Variants in PRR5L observed in about 807,000 individuals in gnomAD.
PRR5L encodes the protein proline rich 5 like.
In PRR5L, 21 loss-of-function variants were observed where a neutral mutation model predicts 36.4. That is an observed-to-expected ratio of 0.58 (90% CI 0.41 to 0.83). The LOEUF is 0.83. PRR5L is among the 40% of genes least tolerant of loss of function. The probability of loss-of-function intolerance (pLI) is 0.00; values close to 1 mark genes in which losing one functional copy is unlikely to be tolerated. For synonymous variants in PRR5L, 188 were observed against 197.0 expected (o/e 0.95, Z 0.38); for missense variants, 381 against 473.3 (o/e 0.80, Z 1.81).
intron 1 of PRR5L, among the ~76,000 whole-genome samples, chr11:36,398,038 A>G (rs1275648800): frequency 6.6e-6 from 1 of 152,060 alleles, no homozygotes; most frequent in Non-Finnish European, 1.5e-5. Flanking sequence ...CAGGTGATCC[A>G]CCCACCTCGG....
intron 1 of PRR5L, among the ~76,000 whole-genome samples, chr11:36,314,502 C>T (rs1164213108): frequency 6.6e-6 from 1 of 152,228 alleles, no homozygotes; most frequent in Admixed American, 6.5e-5. Flanking sequence ...ACCACTTTCA[C>T]AACTTTCAGG....
chr11:36,376,054 G>T, intron 1 of PRR5L: 1 of 852,312 alleles, frequency 1.2e-6, no homozygotes, highest in South Asian at 1.4e-5. Context: ...CCCGTTGTGT[G>T]AGAGAAACGC....
At chr11:36,363,744 T>C (rs1857117369) in intron 1 of PRR5L, among the ~76,000 whole-genome samples, 1 of 152,162 alleles carries the variant, frequency 6.6e-6, no homozygotes, top group South Asian at 2.1e-4. Flanking sequence ...GGCAAGGCAC[T>C]TACTCTTCCA....
intron 1 of PRR5L, among the ~76,000 whole-genome samples, chr11:36,338,867 G>T (rs1178083131): frequency 6.6e-6 from 1 of 152,066 alleles, no homozygotes; most frequent in Non-Finnish European, 1.5e-5. Flanking sequence ...GTATCTCCCA[G>T]AATTCCCACG....
chr11:36,422,213 T>C (rs1858280746), intron 4 of PRR5L, among the ~76,000 whole-genome samples: 1 of 152,088 alleles, frequency 6.6e-6, no homozygotes, highest in Non-Finnish European at 1.5e-5. Flanking sequence ...AGAAGAAATC[T>C]CCATATAAGG....
At position 36,306,847 on chromosome 11, in the gene PRR5L, G is replaced by T. The variant is rs191536825; in HGVS notation, c.-126+10409G>T. ...GTGTCAACTTCCTCTTCCTTTTCCT[G>T]TATTGTTTATCTCTATTTTCTCATA... is the stretch of plus-strand genomic sequence containing the variant. On this transcript the variant is annotated intron_variant, in intron 1 of 8. Coordinates refer to ENST00000530639, the MANE Select transcript of PRR5L (RefSeq NM_001160167.2). Among the ~76,000 whole-genome samples the T allele has an allele frequency of 2.9e-4, 44 of 151,824 alleles. 1 individual carries two copies. In the South Asian group the frequency reaches 8.1e-3, roughly 28 times the overall value.
At chr11:36,362,556 A>T (rs532461388) in intron 1 of PRR5L, among the ~76,000 whole-genome samples, 1 of 152,124 alleles carries the variant, frequency 6.6e-6, no homozygotes, top group East Asian at 1.9e-4. Context: ...AGCAGAATTG[A>T]CATATTGGGG....
intron 1 of PRR5L, chr11:36,398,447 G>A (rs186864171): frequency 3.3e-5 from 5 of 152,594 alleles, no homozygotes; most frequent in Admixed American, 2.0e-4. Flanking sequence ...TGCTCCCAAC[G>A]GCCTCCTCCT....
At chr11:36,305,237 C>A (rs541697240) in intron 1 of PRR5L, among the ~76,000 whole-genome samples, 1 of 152,254 alleles carries the variant, frequency 6.6e-6, no homozygotes, top group East Asian at 1.9e-4. Context: ...CATGGATGAC[C>A]TTTGAAACAC....
At chr11:36,297,982 C>A (rs2133445168) in intron 1 of PRR5L, among the ~76,000 whole-genome samples, 1 of 152,328 alleles carries the variant, frequency 6.6e-6, no homozygotes, top group South Asian at 2.1e-4. Flanking sequence ...GTGGCAGGTT[C>A]TGGTGGGTGT....
At chr11:36,414,879 A>G (rs1181454479) in intron 3 of PRR5L, among the ~76,000 whole-genome samples, 226 of 142,300 alleles carry the variant, frequency 1.6e-3, no homozygotes, top group African/African-American at 5.5e-3. Flanking sequence ...ATCTTGAATT[A>G]ATTTTTGTAT....
At chr11:36,390,636 G>A (rs1289211876) in intron 1 of PRR5L, among the ~76,000 whole-genome samples, 1 of 152,114 alleles carries the variant, frequency 6.6e-6, no homozygotes, top group African/African-American at 2.4e-5. Context: ...CTTCCAAACA[G>A]GTGCTTTCAT....
Position 36,462,754 on chromosome 11 carries a change from T to A in PRR5L, c.*18T>A, listed in dbSNP as rs1859218995. 2 of 1,514,368 alleles carry A rather than the reference T, an allele frequency of 1.3e-6. No individual in the cohort carries two copies. Among genetic ancestry groups the A allele is most frequent in the African/African-American group, 1.4e-5 (1 of 71,840 alleles). 93.8% of individuals were successfully genotyped at this position (1,514,368 alleles called of 1,614,324 possible). ...TCAGCTGAGTCGCCACCCCTGGGCC[T>A]TTCCATCTCCTGTTTTGCAACCAGG... On this transcript the variant is annotated 3_prime_UTR_variant, in exon 9 of 9. Transcript: ENST00000530639.
intron 4 of PRR5L, among the ~76,000 whole-genome samples, chr11:36,429,398 C>T (rs976477794): frequency 2.0e-5 from 3 of 152,308 alleles, no homozygotes; most frequent in South Asian, 4.1e-4. Context: ...ATGGTCCTCA[C>T]TCCTAAGGAC....
intron 1 of PRR5L, among the ~76,000 whole-genome samples, chr11:36,379,065 A>T (rs1026729121): frequency 6.6e-6 from 1 of 152,190 alleles, no homozygotes; most frequent in East Asian, 1.9e-4. Context: ...GTTATTGGGG[A>T]AAAAAGCCCT....
chr11:36,416,432 C>T (rs3931757), intron 3 of PRR5L, among the ~76,000 whole-genome samples: 112,851 of 152,122 alleles, frequency 0.74, 44,904 homozygotes, highest in Non-Finnish European at 0.88. Context: ...CTGTACCTGG[C>T]TATGGCCCAT....
chr11:36,438,213 T>G (rs1435362437), intron 6 of PRR5L, among the ~76,000 whole-genome samples: 2 of 152,198 alleles, frequency 1.3e-5, no homozygotes, highest in Middle Eastern at 3.2e-3. Context: ...TAAGGGAGGT[T>G]GACCCATAGA....
intron 1 of PRR5L, among the ~76,000 whole-genome samples, chr11:36,300,207 G>A (rs1027603162): frequency 2.0e-5 from 3 of 152,098 alleles, no homozygotes; most frequent in African/African-American, 4.8e-5. Context: ...TTTGGCTCAC[G>A]TTTCTGCAGG....
rs1011745435 is a variant in PRR5L, at chr11:36,336,856, T to C, written c.-126+40418T>C. 2.6e-5 allele frequency among the ~76,000 whole-genome samples: 4 copies of C among 152,146 alleles called. No individual in the cohort carries two copies. The South Asian group carries it at 8.3e-4, about 32-fold the overall frequency. On this transcript the variant is annotated intron_variant, in intron 1 of 8. Transcript: ENST00000530639. Reference sequence around the variant, plus strand: ...CTGAAGAAATTATCTCATATCATTATTTACTTATTGGCTTTGTCCCTCATA... The same window carrying C: ...CTGAAGAAATTATCTCATATCATTACTTACTTATTGGCTTTGTCCCTCATA...
Sources: allele counts gnomAD v4.1 joint callset (sites outside exome capture counted in the v4.1 genomes callset), GRCh38; gene constraint gnomAD v4.1.1; transcripts MANE v1.5; gene names NCBI Gene and HGNC (gene_info 2026-07-23, HGNC 2026-07-21).